ATRN: variants seen among roughly 807,000 people sequenced by gnomAD.
ATRN encodes the protein attractin-2.
In ATRN, 54 loss-of-function variants were observed where a neutral mutation model predicts 178.7. That is an observed-to-expected ratio of 0.30 (90% CI 0.24 to 0.38). The LOEUF is 0.38. Among genes scored for constraint, ATRN ranks in the 10% least tolerant of loss-of-function variants. The probability of loss-of-function intolerance (pLI) is 1.00; values close to 1 mark genes in which losing one functional copy is unlikely to be tolerated. For missense variants in ATRN, 1,443 were observed against 1,815.1 expected (o/e 0.79, Z 3.73); for synonymous variants, 636 against 663.0 (o/e 0.96, Z 0.63).
intron 24 of ATRN, among the ~76,000 whole-genome samples, chr20:3,613,647 G>A (rs671577): frequency 7.3e-5 from 11 of 150,534 alleles, no homozygotes; most frequent in Non-Finnish European, 1.5e-4. Flanking sequence ...TTTCGATGCA[G>A]GCAAAGCCGT....
chr20:3,516,629 A>G (rs965932052), intron 1 of ATRN, among the ~76,000 whole-genome samples: 1 of 152,182 alleles, frequency 6.6e-6, no homozygotes, highest in African/African-American at 2.4e-5. Flanking sequence ...GGATATGAAG[A>G]AAATGGCAGC....
chr20:3,532,600 T>C lies in ATRN; in HGVS notation c.411-2653T>C, dbSNP rs895581309. 5.3e-5 allele frequency among the ~76,000 whole-genome samples: 8 copies of C among 152,196 alleles called. No individual in the cohort carries two copies. The East Asian group carries it at 1.3e-3, about 26-fold the overall frequency. On this transcript the variant is annotated intron_variant, in intron 1 of 28. Transcript: ENST00000262919. ...GCATTTGCTAAGGCTGAGTTTGGGT[T>C]ACAACTTGATTATAGTATTGTAGAG...
rs1410443010 is a variant in ATRN, at chr20:3,471,121, C to G, written c.14C>G (p.Ala5Gly). Reference sequence around the variant, plus strand: ...AGCCCCGGGAAGATGGTGGCTGCAGCGGCGGCAACTGAGGCAAGGCTGAGG... The same window carrying G: ...AGCCCCGGGAAGATGGTGGCTGCAGGGGCGGCAACTGAGGCAAGGCTGAGG... MVAAAAATEARLRRR... is the reference protein window; with the variant it reads MVAAGAATEARLRRR... The change falls in exon 1 of 29, where the codon GCG (alanine) becomes GGG (glycine). Residue 5 changes from alanine (A) to glycine (G), a missense_variant. Physicochemically the swap from Ala to Gly is moderately conservative, Grantham distance 60. This residue lies in a region of ATRN where 862 missense variants were observed against 972.1 expected (regional missense o/e 0.89). Coordinates refer to ENST00000262919, the MANE Select transcript of ATRN (RefSeq NM_139321.3). 3 of 1,510,842 alleles carry G rather than the reference C, an allele frequency of 2.0e-6. No individual in the cohort carries two copies. The highest frequency in any genetic ancestry group is 2.6e-6 in the Non-Finnish European group (3 of 1,136,384). 93.6% of individuals were successfully genotyped at this position (1,510,842 alleles called of 1,614,324 possible). A position where few individuals can be genotyped will look rare whatever the true frequency, so the allele number is the denominator to read the frequency against.
intron 5 of ATRN, among the ~76,000 whole-genome samples, chr20:3,548,253 A>G (rs1238592234): frequency 2.6e-5 from 4 of 152,212 alleles, no homozygotes; most frequent in Non-Finnish European, 5.9e-5. Context: ...CAAGTTCTGC[A>G]TCTACAAATT....
At chr20:3,499,868 A>C (rs1161059938) in intron 1 of ATRN, among the ~76,000 whole-genome samples, 3 of 148,762 alleles carry the variant, frequency 2.0e-5, no homozygotes, top group Non-Finnish European at 4.5e-5. Context: ...TCTGCACAGC[A>C]AAAGAAACTA....
At position 3,560,643 on chromosome 20, in the gene ATRN, G is replaced by T. The variant is rs1410188274; in HGVS notation, c.1204-19G>T. ...TCTTTTCAATGTTTTTAAAAATTTTGTTTGCATTTTTTTCCTAGGATAAAA... is the reference window on the plus strand; with the variant it reads ...TCTTTTCAATGTTTTTAAAAATTTTTTTTGCATTTTTTTCCTAGGATAAAA... On this transcript the variant is annotated intron_variant, in intron 7 of 28. Coordinates refer to ENST00000262919, the MANE Select transcript of ATRN (RefSeq NM_139321.3). The T allele has an allele frequency of 1.3e-6, 2 of 1,572,878 alleles. No homozygotes were observed. Among genetic ancestry groups the T allele is most frequent in the African/African-American group, 2.7e-5 (2 of 73,844 alleles).
At chr20:3,483,731 C>G (rs1240605551) in intron 1 of ATRN, among the ~76,000 whole-genome samples, 1 of 152,074 alleles carries the variant, frequency 6.6e-6, no homozygotes, top group Non-Finnish European at 1.5e-5. Flanking sequence ...TGAAACACCT[C>G]CAAAATAACT....
At chr20:3,584,495 C>T (rs2086328416) in intron 17 of ATRN, 152 bp from the exon 18 acceptor site, 1 of 663,152 alleles carries the variant, frequency 1.5e-6, no homozygotes, top group Non-Finnish European at 2.5e-6. Flanking sequence ...GGGCAAAATA[C>T]TGGGCTCTTT....
intron 1 of ATRN, among the ~76,000 whole-genome samples, chr20:3,508,347 CT>C (rs1258858432): frequency 1.3e-5 from 2 of 152,124 alleles, no homozygotes; most frequent in Admixed American, 1.3e-4. Flanking sequence ...AGTTGACAAA[CT>C]TTCTTTTTAA....
Position 3,540,313 on chromosome 20 carries a change from G to A in ATRN, c.586G>A (p.Ala196Thr), listed in dbSNP as rs1245848496. The A allele has an allele frequency of 4.4e-6, 7 of 1,607,078 alleles. No individual in the cohort carries two copies. The highest frequency in any genetic ancestry group is 2.2e-5 in the South Asian group (2 of 89,960). Residue 196 changes from alanine to threonine, a missense_variant, in exon 3 of 29, where the codon GCA (alanine) becomes ACA (threonine). Coordinates refer to ENST00000262919, the MANE Select transcript of ATRN (RefSeq NM_139321.3). ...TGTTTATGATGGGGACTCAATTTATGCACCGCTAGTTGCTGCATTTAGGTA... is the reference window on the plus strand; with the variant it reads ...TGTTTATGATGGGGACTCAATTTATACACCGCTAGTTGCTGCATTTAGGTA... ...LYVYDGDSIYAPLVAAFSGLI... is the reference protein window; with the variant it reads ...LYVYDGDSIYTPLVAAFSGLI...
chr20:3,508,360 G>A (rs755747775), intron 1 of ATRN, among the ~76,000 whole-genome samples: 1 of 152,116 alleles, frequency 6.6e-6, no homozygotes, highest in African/African-American at 2.4e-5. Context: ...TCTTTTTAAA[G>A]GGCCAGGTAG....
chr20:3,615,921 A>AT (rs1447793858), intron 24 of ATRN: 10 of 428,162 alleles, frequency 2.3e-5, no homozygotes, highest in Non-Finnish European at 4.3e-5. Context: ...AAGGGATAGC[A>AT]TTAGGGGATA....
At chr20:3,616,473 T>C (rs2086848055) in intron 24 of ATRN, among the ~76,000 whole-genome samples, 1 of 151,662 alleles carries the variant, frequency 6.6e-6, no homozygotes, top group South Asian at 2.1e-4. Flanking sequence ...CCAGAGCTGA[T>C]TCCTAAGGAG....
At chr20:3,577,818 A>C (rs1001781545) in intron 14 of ATRN, among the ~76,000 whole-genome samples, 4 of 152,144 alleles carry the variant, frequency 2.6e-5, no homozygotes, top group Admixed American at 6.5e-5. Flanking sequence ...CACTGTGAGG[A>C]GCAAGTCTTT....
At chr20:3,629,378 A>G (rs933988149) in intron 25 of ATRN, 4 of 863,180 alleles carry the variant, frequency 4.6e-6, no homozygotes, top group Non-Finnish European at 5.5e-6. Flanking sequence ...TATGTCTTCA[A>G]AAGCACAAGC....
chr20:3,605,728 A>G (rs537134323), intron 24 of ATRN, among the ~76,000 whole-genome samples: 9 of 152,230 alleles, frequency 5.9e-5, no homozygotes, highest in African/African-American at 2.2e-4. Flanking sequence ...GTGGGGAACA[A>G]CACACACTGG....
intron 1 of ATRN, among the ~76,000 whole-genome samples, chr20:3,486,700 T>C (rs1168248857): frequency 6.6e-6 from 1 of 152,176 alleles, no homozygotes; most frequent in Non-Finnish European, 1.5e-5. Context: ...TTTTTATAAG[T>C]GCTCTTGCTT....
intron 14 of ATRN, among the ~76,000 whole-genome samples, chr20:3,577,448 G>A (rs2086228450): frequency 6.6e-6 from 1 of 152,116 alleles, no homozygotes; most frequent in African/African-American, 2.4e-5. Context: ...GCACCTTTTA[G>A]GGGTGATCTC....
intron 1 of ATRN, among the ~76,000 whole-genome samples, chr20:3,527,083 A>G (rs1429663148): frequency 6.6e-6 from 1 of 152,196 alleles, no homozygotes; most frequent in Non-Finnish European, 1.5e-5. Context: ...GACAAATGGG[A>G]TCTAATTAAA....
Sources: gnomAD v4.1 joint callset for allele counts (sites outside exome capture counted in the v4.1 genomes callset) on GRCh38, gnomAD v4.1.1 for gene constraint, gnomAD v4.1.1 regional missense constraint, MANE v1.5 for transcripts, NCBI Gene and HGNC (gene_info 2026-07-23, HGNC 2026-07-21) for gene names.